Variants in FER observed in about 807,000 individuals in gnomAD.
FER encodes tyrosine-protein kinase Fer.
Under a neutral mutation model 111.0 loss-of-function variants are expected in FER, and 63 were observed. The observed-to-expected ratio is 0.57, with a 90% confidence interval of 0.46 to 0.70. The LOEUF is 0.70. Among genes scored for constraint, FER ranks in the 30% least tolerant of loss-of-function variants. The probability of loss-of-function intolerance (pLI) is 0.00; values close to 1 mark genes in which losing one functional copy is unlikely to be tolerated. For missense variants in FER, 914 were observed against 954.0 expected (o/e 0.96, Z 0.55); for synonymous variants, 327 against 313.9 (o/e 1.04, Z -0.44).
intron 10 of FER, among the ~76,000 whole-genome samples, chr5:108,915,456 CAAAACA>C (rs1264432467): frequency 6.6e-6 from 1 of 152,046 alleles, no homozygotes; most frequent in Non-Finnish European, 1.5e-5. Context: ...CACTCCATCT[CAAAACA>C]AAAACAAAAA....
At chr5:108,983,827 A>G (rs1230723926) in intron 13 of FER, among the ~76,000 whole-genome samples, 2 of 152,178 alleles carry the variant, frequency 1.3e-5, no homozygotes, top group South Asian at 2.1e-4. Context: ...CCAAAAATGC[A>G]TAGAATTATG....
chr5:108,885,086 C>T (rs1746905227), intron 9 of FER, among the ~76,000 whole-genome samples: 1 of 151,976 alleles, frequency 6.6e-6, no homozygotes, highest in Non-Finnish European at 1.5e-5. Context: ...TGTCTCACTC[C>T]TTTCCCTGAA....
chr5:108,860,979 A>G (rs1763463063), intron 5 of FER, among the ~76,000 whole-genome samples: 1 of 152,192 alleles, frequency 6.6e-6, no homozygotes, highest in African/African-American at 2.4e-5. Flanking sequence ...GCATGGGGGT[A>G]AAAATACCCC....
At chr5:108,892,300 T>C (rs1016222296) in intron 9 of FER, among the ~76,000 whole-genome samples, 1 of 152,216 alleles carries the variant, frequency 6.6e-6, no homozygotes, top group Non-Finnish European at 1.5e-5. Flanking sequence ...AAAGTGTTCC[T>C]GTTTCTCCAC....
chr5:108,934,788 C>T (rs1288105063), intron 10 of FER, among the ~76,000 whole-genome samples: 1 of 152,056 alleles, frequency 6.6e-6, no homozygotes, highest in Non-Finnish European at 1.5e-5. Flanking sequence ...TAGGCTCTTG[C>T]TGAGAAAAAA....
At position 108,954,878 on chromosome 5, in the gene FER, C is replaced by T; in HGVS notation, c.1479C>T (p.Val493=). ...RESHGKPGEY[V]LSVYSDGQRR... is the part of the protein sequence containing the mutation. ...GTCATGGGAAACCTGGTGAATATGT[C>T]CTTTCTGTATATTCTGATGGACAGA... Residue 493 remains valine, a synonymous_variant, in exon 12 of 20, where the codon GTC becomes GTT. Transcript: ENST00000281092. 6.2e-7 allele frequency: 1 copy of T among 1,611,094 alleles called. No individual in the cohort carries two copies. Among genetic ancestry groups the T allele is most frequent in the African/African-American group, 1.3e-5 (1 of 74,824 alleles).
chr5:109,150,807 C>CTGTCATTTATTCG (rs1754755341), intron 17 of FER, among the ~76,000 whole-genome samples: 1 of 152,146 alleles, frequency 6.6e-6, no homozygotes, highest in Non-Finnish European at 1.5e-5. Context: ...TCAGAACAAT[C>CTGTCATTTATTCG]TGTCATTTAT....
intron 6 of FER, among the ~76,000 whole-genome samples, chr5:108,869,452 A>C (rs895142296): frequency 1.3e-5 from 2 of 151,388 alleles, no homozygotes; most frequent in Admixed American, 6.6e-5. Context: ...ATTTGGAAAT[A>C]GGGTCTTTGC....
intron 17 of FER, 48 bp from the exon 18 acceptor site, chr5:109,180,699 C>A: frequency 6.5e-7 from 1 of 1,547,236 alleles, no homozygotes; most frequent in South Asian, 1.2e-5. Context: ...GTGAAAGTGG[C>A]TTTCAATTTG....
intron 2 of FER, among the ~76,000 whole-genome samples, chr5:108,770,017 C>T (rs1023912580): frequency 2.0e-5 from 3 of 152,096 alleles, no homozygotes; most frequent in African/African-American, 4.8e-5. Flanking sequence ...GGCACAATCT[C>T]GATTCACCAC....
intron 13 of FER, among the ~76,000 whole-genome samples, chr5:109,032,203 G>A (rs1437008896): frequency 2.6e-5 from 4 of 152,124 alleles, no homozygotes; most frequent in Admixed American, 6.6e-5. Context: ...TGTTGGCAGC[G>A]AAGTAGAAAA....
At chr5:108,880,720 C>G (rs533166456) in intron 8 of FER, among the ~76,000 whole-genome samples, 1 of 151,988 alleles carries the variant, frequency 6.6e-6, no homozygotes, top group East Asian at 1.9e-4. Context: ...ATACAAATGT[C>G]TTATGAATAT....
intron 3 of FER, among the ~76,000 whole-genome samples, chr5:108,827,772 A>G (rs138290796): frequency 3.3e-3 from 480 of 145,870 alleles, no homozygotes; most frequent in Admixed American, 6.3e-3. Context: ...TTTCCTTTTT[A>G]TAAGTGTTTA....
intron 17 of FER, among the ~76,000 whole-genome samples, chr5:109,133,901 G>A (rs1428562887): frequency 1.3e-5 from 2 of 151,940 alleles, no homozygotes; most frequent in African/African-American, 4.8e-5. Context: ...TTAAAGACTA[G>A]CATTTTAATC....
chr5:109,097,535 A>G (rs1295127265), intron 16 of FER, among the ~76,000 whole-genome samples: 1 of 151,930 alleles, frequency 6.6e-6, no homozygotes, highest in Non-Finnish European at 1.5e-5. Context: ...ATATATCACA[A>G]ATTCTAAGAG....
rs1772846639 is a variant in FER at position 109,051,644 on chromosome 5, AG to A, written c.1924+4448del. ...ATAGGCGAGAGGGGAGCAGTTGGTG[AG>A]GAGCAGCCATTGAAATAAGCATATT... On this transcript the variant is annotated intron_variant, in intron 16 of 19. Coordinates refer to ENST00000281092, the MANE Select transcript of FER (RefSeq NM_005246.4). 5.1e-6 allele frequency: 8 copies of A among 1,579,132 alleles called. No individual in the cohort carries two copies. In the East Asian group the frequency reaches 1.8e-4, roughly 35 times the overall value.
intron 17 of FER, among the ~76,000 whole-genome samples, chr5:109,176,019 C>CAAGGATG (rs1196703218): frequency 1.3e-5 from 2 of 151,876 alleles, no homozygotes; most frequent in East Asian, 3.9e-4. Context: ...CAAATGCTGG[C>CAAGGATG]AAGGATGCAG....
chr5:109,056,195 T>G (rs1055903130), intron 16 of FER, among the ~76,000 whole-genome samples: 1 of 152,202 alleles, frequency 6.6e-6, no homozygotes, highest in Non-Finnish European at 1.5e-5. Context: ...AGAGCTACCA[T>G]GTACCTCAGC....
chr5:108,993,391 C>T (rs1382490763), intron 13 of FER, among the ~76,000 whole-genome samples: 1 of 152,192 alleles, frequency 6.6e-6, no homozygotes, highest in Admixed American at 6.5e-5. Context: ...ATACGAAAAC[C>T]AGTCAGGCGT....
Sources: allele counts gnomAD v4.1 joint callset (sites outside exome capture counted in the v4.1 genomes callset), GRCh38; gene constraint gnomAD v4.1.1; transcripts MANE v1.5; gene names NCBI Gene and HGNC (gene_info 2026-07-23, HGNC 2026-07-21).